NELL1: variants seen among roughly 807,000 people sequenced by gnomAD.
NELL1 encodes protein kinase C-binding protein NELL1.
Under a neutral mutation model 107.4 loss-of-function variants are expected in NELL1, and 76 were observed. The observed-to-expected ratio is 0.71, with a 90% CI of 0.59 to 0.86. The LOEUF (loss-of-function observed/expected upper bound fraction) is 0.86, where lower values mean the gene tolerates loss of function less well. Among genes scored for constraint, NELL1 ranks in the 40% least tolerant of loss-of-function variants. The pLI is 0.00. For synonymous variants in NELL1, 353 were observed against 341.2 expected (o/e 1.03, Z -0.38); for missense variants, 1,024 against 1,005.5 (o/e 1.02, Z -0.25).
At chr11:21,060,291 T>A (rs1025347689) in intron 12 of NELL1, among the ~76,000 whole-genome samples, 20 of 152,236 alleles carry the variant, frequency 1.3e-4, no homozygotes, top group Non-Finnish European at 2.5e-4. Context: ...TCCTTCTGTA[T>A]TATGAAAATT....
chr11:21,067,465 G>A (rs907883149), intron 12 of NELL1, among the ~76,000 whole-genome samples: 6 of 152,070 alleles, frequency 3.9e-5, no homozygotes, highest in South Asian at 2.1e-4. Context: ...TTGCTCTTCC[G>A]AGGCCTGTAT....
intron 15 of NELL1, among the ~76,000 whole-genome samples, chr11:21,442,948 T>G (rs1217670297): frequency 3.0e-5 from 4 of 134,618 alleles, no homozygotes; most frequent in Non-Finnish European, 4.5e-5. Flanking sequence ...TTTCCTTTTT[T>G]TTTTTTTTTT....
chr11:20,694,117 C>T (rs1408497968), intron 2 of NELL1, among the ~76,000 whole-genome samples: 1 of 152,144 alleles, frequency 6.6e-6, no homozygotes, highest in Non-Finnish European at 1.5e-5. Flanking sequence ...AGTTCTCAAG[C>T]CTTGGCTTTC....
intron 11 of NELL1, among the ~76,000 whole-genome samples, chr11:20,952,055 T>TG (rs940382845): frequency 5.6e-4 from 28 of 49,640 alleles, no homozygotes; most frequent in African/African-American, 1.8e-3. Context: ...AGTTAAAGGA[T>TG]GAAAAAAAAA....
intron 14 of NELL1, among the ~76,000 whole-genome samples, chr11:21,267,065 T>A (rs1052042132): frequency 4.6e-5 from 7 of 152,072 alleles, no homozygotes; most frequent in African/African-American, 1.7e-4. Flanking sequence ...GTCTATAAAC[T>A]GTGGATTTAT....
intron 12 of NELL1, among the ~76,000 whole-genome samples, chr11:20,971,480 A>G (rs1851500503): frequency 1.3e-5 from 2 of 152,166 alleles, no homozygotes; most frequent in African/African-American, 2.4e-5. Flanking sequence ...ATACCTTTCA[A>G]CTATCTCTAA....
intron 15 of NELL1, among the ~76,000 whole-genome samples, chr11:21,464,888 A>G (rs1853988850): frequency 6.6e-6 from 1 of 152,180 alleles, no homozygotes; most frequent in African/African-American, 2.4e-5. Context: ...CGTTTTAGAA[A>G]TACTGCCATT....
At chr11:21,073,740 A>G (rs941943221) in intron 12 of NELL1, among the ~76,000 whole-genome samples, 1 of 152,198 alleles carries the variant, frequency 6.6e-6, no homozygotes, top group Non-Finnish European at 1.5e-5. Flanking sequence ...GAAAACATTA[A>G]AAGTAGTTGA....
intron 15 of NELL1, among the ~76,000 whole-genome samples, chr11:21,455,905 T>C (rs1050094878): frequency 6.6e-6 from 1 of 151,902 alleles, no homozygotes; most frequent in African/African-American, 2.4e-5. Flanking sequence ...TGTTTTGTTT[T>C]TGAGGTGGAG....
chr11:20,882,987 C>T (rs907745941), intron 4 of NELL1, among the ~76,000 whole-genome samples: 1 of 152,152 alleles, frequency 6.6e-6, no homozygotes, highest in African/African-American at 2.4e-5. Flanking sequence ...AGATTTCCTC[C>T]TCCCTCCTCA....
intron 4 of NELL1, among the ~76,000 whole-genome samples, chr11:20,865,068 G>A (rs895512940): frequency 6.6e-6 from 1 of 152,192 alleles, no homozygotes; most frequent in Non-Finnish European, 1.5e-5. Flanking sequence ...ATCCATGACA[G>A]TTTTGGGGGG....
At chr11:21,344,731 G>GC (rs1360997927) in intron 14 of NELL1, among the ~76,000 whole-genome samples, 11 of 152,034 alleles carry the variant, frequency 7.2e-5, no homozygotes, top group Non-Finnish European at 1.2e-4. Flanking sequence ...GATAGCCAAC[G>GC]CATCGGTTTT....
chr11:21,321,371 A>G (rs1306647331), intron 14 of NELL1, among the ~76,000 whole-genome samples: 2 of 150,474 alleles, frequency 1.3e-5, no homozygotes, highest in Admixed American at 6.6e-5. Context: ...GATCCCTCAG[A>G]GGTGATTGAA....
chr11:20,846,053 G>A (rs918351559), intron 3 of NELL1, among the ~76,000 whole-genome samples: 1 of 152,136 alleles, frequency 6.6e-6, no homozygotes, highest in Non-Finnish European at 1.5e-5. Flanking sequence ...CTTTGTTAAA[G>A]CATTTCCTTT....
rs184826610 is a variant in NELL1, at chr11:21,359,829, G to A, written c.1550-11024G>A. The stretch of plus-strand genomic sequence containing the variant: ...TCTTTTGTATTTCTGTGGTATCGTC[G>A]TAATATTTCTTGTTTCATTTCTAAT... On this transcript the variant is annotated intron_variant, in intron 14 of 19. Coordinates refer to ENST00000357134, the MANE Select transcript of NELL1 (RefSeq NM_006157.5). Among the ~76,000 whole-genome samples the A allele has an allele frequency of 3.5e-4, 53 of 152,090 alleles. 2 individuals are homozygous for A. Among genetic ancestry groups the A allele is most frequent in the Non-Finnish European group, 5.3e-4 (36 of 67,974 alleles).
chr11:21,473,020 A>G (rs1233305748), intron 15 of NELL1, among the ~76,000 whole-genome samples: 2 of 152,036 alleles, frequency 1.3e-5, no homozygotes, highest in East Asian at 3.9e-4. Context: ...ATTAGGGGAG[A>G]GAAAACAGGA....
chr11:20,824,047 A>G (rs572863684), intron 3 of NELL1, among the ~76,000 whole-genome samples: 4 of 151,172 alleles, frequency 2.6e-5, no homozygotes, highest in African/African-American at 9.7e-5. Flanking sequence ...TTGTAATCCC[A>G]TGTGTTGGGA....
chr11:21,331,776 C>T (rs747329763), intron 14 of NELL1, among the ~76,000 whole-genome samples: 3 of 152,040 alleles, frequency 2.0e-5, no homozygotes, highest in Non-Finnish European at 2.9e-5. Context: ...TCCCAGTTCA[C>T]TCTGATAAAC....
chr11:21,356,839 G>T (rs1360889056), intron 14 of NELL1, among the ~76,000 whole-genome samples: 2 of 152,122 alleles, frequency 1.3e-5, no homozygotes, highest in Admixed American at 6.6e-5. Context: ...AAAGTCCATT[G>T]TATTATTCTT....
Sources: allele counts gnomAD v4.1 joint callset (sites outside exome capture counted in the v4.1 genomes callset), GRCh38; gene constraint gnomAD v4.1.1; transcripts MANE v1.5; gene names NCBI Gene and HGNC (gene_info 2026-07-23, HGNC 2026-07-21).